Variants in AGO3 observed in about 807,000 individuals in gnomAD.
AGO3 encodes the protein protein argonaute-3.
Under a neutral mutation model 105.5 loss-of-function variants are expected in AGO3, and 16 were observed. The ratio of observed to expected loss-of-function variants is 0.15; its 90% CI spans 0.10 to 0.23. The LOEUF is 0.23. AGO3 is among the 10% of genes least tolerant of loss of function. AGO3 has a pLI of 1.00. For missense variants in AGO3, 534 were observed against 1,088.0 expected (o/e 0.49, Z 7.16); for synonymous variants, 340 against 367.3 (o/e 0.93, Z 0.85).
intron 17 of AGO3, among the ~76,000 whole-genome samples, chr1:36,048,040 T>C (rs183556790): frequency 1.3e-5 from 2 of 152,088 alleles, no homozygotes; most frequent in Admixed American, 1.3e-4. Flanking sequence ...GACAGAATTC[T>C]AAAAACAACA....
At chr1:36,047,562 G>A (rs1363192528) in intron 17 of AGO3, among the ~76,000 whole-genome samples, 1 of 152,052 alleles carries the variant, frequency 6.6e-6, no homozygotes, top group African/African-American at 2.4e-5. Flanking sequence ...GAAGAGAAAG[G>A]GAAAGGTGTA....
chr1:36,024,136 CTTT>C (rs543123565), intron 11 of AGO3, among the ~76,000 whole-genome samples: 1 of 128,936 alleles, frequency 7.8e-6, no homozygotes, highest in Non-Finnish European at 1.6e-5. Flanking sequence ...TGACTGACTC[CTTT>C]TTTTTTTTTT....
chr1:35,979,675 C>A (rs1647016902), intron 5 of AGO3, among the ~76,000 whole-genome samples: 1 of 152,086 alleles, frequency 6.6e-6, no homozygotes, highest in South Asian at 2.1e-4. Flanking sequence ...GTATTAGGAG[C>A]ATATATATTC....
At chr1:36,050,239 A>T (rs1331297097) in intron 17 of AGO3, among the ~76,000 whole-genome samples, 1 of 152,176 alleles carries the variant, frequency 6.6e-6, no homozygotes, top group Non-Finnish European at 1.5e-5. Context: ...TAATCCCAGT[A>T]CTTTGGGAGG....
chr1:35,994,606 A>G (rs1202538825), intron 5 of AGO3, among the ~76,000 whole-genome samples: 1 of 152,228 alleles, frequency 6.6e-6, no homozygotes, highest in Non-Finnish European at 1.5e-5. Flanking sequence ...TGTAGAAGAC[A>G]TAATACTCTA....
chr1:36,046,026 C>T (rs1642454860), intron 17 of AGO3, among the ~76,000 whole-genome samples: 1 of 152,166 alleles, frequency 6.6e-6, no homozygotes, highest in South Asian at 2.1e-4. Flanking sequence ...CTTCTCCCTG[C>T]AGTGAACAGA....
At chr1:36,041,300 G>A (rs2148850679) in intron 16 of AGO3, among the ~76,000 whole-genome samples, 1 of 138,338 alleles carries the variant, frequency 7.2e-6, no homozygotes, top group South Asian at 2.3e-4. Flanking sequence ...GGAGTGCGGT[G>A]GCGCGATCTC....
Position 36,035,586 on chromosome 1 carries a change from TAA to T in AGO3, c.1752-590_1752-589del, listed in dbSNP as rs763682230. ...TGAGAGATTACATAGGTTTAAAATA[TAA>T]GTCTTTTTTTAAAGAGTGATAAAAA... On this transcript the variant is annotated intron_variant, in intron 13 of 18. Coordinates refer to ENST00000373191, the MANE Select transcript of AGO3 (RefSeq NM_024852.4). Among the ~76,000 whole-genome samples, 65 of 152,272 alleles carry T rather than the reference TAA, an allele frequency of 4.3e-4. 2 individuals are homozygous for T. The highest frequency in any genetic ancestry group is 3.3e-4 in the Admixed American group (5 of 15,290).
intron 2 of AGO3, among the ~76,000 whole-genome samples, chr1:35,965,304 A>G (rs1272837721): frequency 1.3e-5 from 2 of 151,980 alleles, no homozygotes; most frequent in Non-Finnish European, 2.9e-5. Flanking sequence ...AGCCTGGCCA[A>G]CATGGTGAAA....
intron 5 of AGO3, among the ~76,000 whole-genome samples, chr1:35,988,222 G>A (rs1647295734): frequency 6.6e-6 from 1 of 152,102 alleles, no homozygotes; most frequent in African/African-American, 2.4e-5. Flanking sequence ...TGTGATTTTT[G>A]ATAATACATA....
intron 11 of AGO3, among the ~76,000 whole-genome samples, chr1:36,026,052 A>AG (rs1316901297): frequency 6.6e-6 from 1 of 151,844 alleles, no homozygotes; most frequent in East Asian, 1.9e-4. Flanking sequence ...AAAAAAAAAA[A>AG]GAAATTGGTT....
rs1241541026 is a variant in AGO3 at position 36,027,736 on chromosome 1, A to G, written c.1591+438A>G. Among the ~76,000 whole-genome samples the G allele has an allele frequency of 4.6e-5, 7 of 150,964 alleles. No homozygotes were observed. The highest frequency in any genetic ancestry group is 1.0e-4 in the Non-Finnish European group (7 of 67,840). On this transcript the variant is annotated intron_variant, in intron 12 of 18. Transcript: ENST00000373191. This position sits in a 1 kb window ranked among gnomAD's most constrained non-coding sequence, Gnocchi z 4.0. ...GGAGCTTGCAGTGAGCCGAGATCGC[A>G]CCGGTGCACTCCAGCCTGGGCGACA...
rs1569976416 is a variant in AGO3, at chr1:36,061,832, A to T, written c.*6087A>T. The T allele has an allele frequency of 6.6e-6, 1 of 152,238 alleles. No homozygotes were observed. The highest frequency in any genetic ancestry group is 2.4e-5 in the African/African-American group (1 of 41,460). 9.4% of individuals were successfully genotyped at this position (152,238 alleles called of 1,614,324 possible). ...CAAGTAGCACGAAGCTAAGAATTTTAAAGATAAATTATTTTAGAACTCCAA... is the reference window on the plus strand; with the variant it reads ...CAAGTAGCACGAAGCTAAGAATTTTTAAGATAAATTATTTTAGAACTCCAA... On this transcript the variant is annotated 3_prime_UTR_variant, in exon 19 of 19. Transcript: ENST00000373191.
rs772943203 is a variant in AGO3, at chr1:35,973,507, C to A, written c.654C>A (p.Ile218=). ...CCATGTGGAAAATGATGCTTAATAT[C>A]GATGGTAAGGGAACTAAAGCCATAT... ...RPAMWKMMLN[I]DVSATAFYKA... Residue 218 remains isoleucine, a synonymous_variant, in exon 5 of 19, where the codon ATC becomes ATA. Transcript: ENST00000373191. 2.5e-6 allele frequency: 4 copies of A among 1,571,992 alleles called. No homozygotes were observed. In the Admixed American group the frequency reaches 5.2e-5, roughly 20 times the overall value.
At chr1:35,969,556 C>A (rs573037825) in intron 3 of AGO3, among the ~76,000 whole-genome samples, 84 of 152,196 alleles carry the variant, frequency 5.5e-4, no homozygotes, top group Non-Finnish European at 1.6e-4. Flanking sequence ...ATTTCACTGC[C>A]CAGATTGTCC....
At chr1:36,043,326 A>T (rs935037083) in intron 16 of AGO3, 121 bp from the exon 17 acceptor site, 7 of 744,034 alleles carry the variant, frequency 9.4e-6, no homozygotes, top group Non-Finnish European at 1.6e-5. Context: ...CTTAAGTCAT[A>T]TTTCAAGGTG....
intron 13 of AGO3, among the ~76,000 whole-genome samples, chr1:36,035,148 A>G (rs1641946491): frequency 6.6e-6 from 1 of 152,112 alleles, no homozygotes; most frequent in Admixed American, 6.6e-5. Context: ...TCTACTTTCT[A>G]CCCCTGTTAA....
chr1:36,058,832 G>A lies in AGO3; in HGVS notation c.*3087G>A, dbSNP rs1360483828. Reference sequence around the variant, plus strand: ...TCCAGAAAAATTTCCTATAAAGATGGATTTTTTTACACTGAAATTTTACTG... The same window carrying A: ...TCCAGAAAAATTTCCTATAAAGATGAATTTTTTTACACTGAAATTTTACTG... On this transcript the variant is annotated 3_prime_UTR_variant, in exon 19 of 19. Transcript: ENST00000373191. The A allele has an allele frequency of 6.6e-6, 1 of 152,012 alleles. No individual in the cohort carries two copies. The highest frequency in any genetic ancestry group is 1.5e-5 in the Non-Finnish European group (1 of 68,010). The allele number at this position is 152,012 out of a possible 1,614,324, so 9.4% of individuals were successfully genotyped here. A position where few individuals can be genotyped will look rare whatever the true frequency, so the allele number is the denominator to read the frequency against.
intron 1 of AGO3, among the ~76,000 whole-genome samples, chr1:35,939,297 T>G (rs1646209936): frequency 6.6e-6 from 1 of 152,118 alleles, no homozygotes; most frequent in Non-Finnish European, 1.5e-5. Flanking sequence ...ATTCTGTTCA[T>G]TGCTTATTCA....
Sources: gnomAD v4.1 joint callset for allele counts (sites outside exome capture counted in the v4.1 genomes callset) on GRCh38, gnomAD v4.1.1 for gene constraint, Gnocchi (gnomAD v3.1) non-coding constraint, MANE v1.5 for transcripts, NCBI Gene and HGNC (gene_info 2026-07-23, HGNC 2026-07-21) for gene names.